Variants in VAPB observed in about 807,000 individuals in gnomAD.
The protein encoded by VAPB is vesicle-associated membrane protein-associated protein B/C.
VAPB carries 7 observed loss-of-function variants against 25.6 expected under a neutral mutation model. The ratio of observed to expected loss-of-function variants is 0.27; its 90% CI spans 0.16 to 0.51. VAPB has a LOEUF of 0.51. Among genes scored for constraint, VAPB ranks in the 20% least tolerant of loss-of-function variants. The pLI, the probability that VAPB is intolerant of heterozygous loss-of-function variation, is 0.97. For synonymous variants in VAPB, 112 were observed against 109.2 expected, an observed-to-expected ratio of 1.03 and a Z score of -0.16; for missense variants, 266 against 301.3, an observed-to-expected ratio of 0.88 and a Z score of 0.87.
chr20:58,443,723 C>T (rs1041946673), intron 5 of VAPB, among the ~76,000 whole-genome samples: 37 of 152,124 alleles, frequency 2.4e-4, no homozygotes, highest in Non-Finnish European at 1.0e-4. Flanking sequence ...GAGAAGCATC[C>T]GGAAGACATG....
chr20:58,405,823 C>T (rs1478221527), intron 1 of VAPB, among the ~76,000 whole-genome samples: 2 of 137,156 alleles, frequency 1.5e-5, no homozygotes, highest in Admixed American at 7.9e-5. Flanking sequence ...CGATCTCACT[C>T]GGCTCACTGT....
At chr20:58,390,652 G>A (rs6026232) in intron 1 of VAPB, among the ~76,000 whole-genome samples, 32,395 of 152,028 alleles carry the variant, frequency 0.21, 3,965 homozygotes, top group African/African-American at 0.32. Flanking sequence ...TTGGAAGGCC[G>A]GGTCTCCACT....
chr20:58,415,130 C>T (rs1988508640), intron 1 of VAPB, among the ~76,000 whole-genome samples: 1 of 152,264 alleles, frequency 6.6e-6, no homozygotes, highest in Non-Finnish European at 1.5e-5. Context: ...TAAAACAGAT[C>T]AATTCTAGCC....
chr20:58,448,778 C>T lies in VAPB; in HGVS notation c.*4543C>T, dbSNP rs1257944730. On this transcript the variant is annotated 3_prime_UTR_variant, in exon 6 of 6. Transcript: ENST00000475243. The stretch of plus-strand genomic sequence containing the variant: ...TGTTGGAAACTGAACACACTACAGA[C>T]AGTGAAAAAAGGTACATATTCCATT... 6.6e-6 allele frequency: 3 copies of T among 453,864 alleles called. No homozygotes were observed. The highest frequency in any genetic ancestry group is 1.3e-5 in the Non-Finnish European group (3 of 226,778). 28.1% of individuals were successfully genotyped at this position (453,864 alleles called of 1,614,324 possible).
intron 1 of VAPB, among the ~76,000 whole-genome samples, chr20:58,405,777 G>C (rs1290836964): frequency 8.7e-6 from 1 of 115,164 alleles, no homozygotes; most frequent in Non-Finnish European, 1.7e-5. Context: ...TTGAGACGGA[G>C]ACTGGCTCTG....
chr20:58,434,748 TAAA>T (rs1460506258), intron 3 of VAPB, 43 bp downstream of exon 3: 3 of 965,716 alleles, frequency 3.1e-6, no homozygotes, highest in Non-Finnish European at 5.0e-6. Context: ...AACAATAATT[TAAA>T]AAACCAATTA....
intron 5 of VAPB, among the ~76,000 whole-genome samples, chr20:58,441,556 C>T (rs373779932): frequency 1.3e-5 from 2 of 152,094 alleles, no homozygotes; most frequent in African/African-American, 4.8e-5. Context: ...GCAGGAGAAT[C>T]GCTTGAACCC....
In VAPB at chr20:58,447,876, T is replaced by G. The variant is rs1989334130; in HGVS notation, c.*3641T>G. ...TTTGAGAAATACATGTATGAAGAGA[T>G]AGGGGTCTTGGGCTTCCCAGTGTCA... On this transcript the variant is annotated 3_prime_UTR_variant, in exon 6 of 6. Coordinates refer to ENST00000475243, the MANE Select transcript of VAPB (RefSeq NM_004738.5). The G allele has an allele frequency of 2.2e-6, 1 of 453,988 alleles. No homozygotes were observed. Among genetic ancestry groups the G allele is most frequent in the Non-Finnish European group, 4.4e-6 (1 of 226,780 alleles). 28.1% of individuals were successfully genotyped at this position (453,988 alleles called of 1,614,324 possible). A position where few individuals can be genotyped will look rare whatever the true frequency, so the allele number is the denominator to read the frequency against.
chr20:58,405,618 T>G (rs1317892143), intron 1 of VAPB, among the ~76,000 whole-genome samples: 7 of 151,506 alleles, frequency 4.6e-5, no homozygotes, highest in Non-Finnish European at 2.9e-5. Flanking sequence ...AGCTAATTTT[T>G]TTATTTTTAG....
intron 1 of VAPB, among the ~76,000 whole-genome samples, chr20:58,414,179 ACCCCCCACCTCCCTCCCTGACGGGGCG>A: frequency 1.3e-5 from 1 of 78,210 alleles, no homozygotes; most frequent in African/African-American, 5.2e-5. Context: ...CGGGGGGCTG[ACCCCCCACCTCCCTCCCTGACGGGGCG>A]GCTGGCCGGG....
At chr20:58,399,857 T>C (rs1285578558) in intron 1 of VAPB, among the ~76,000 whole-genome samples, 5 of 152,186 alleles carry the variant, frequency 3.3e-5, no homozygotes, top group Non-Finnish European at 5.9e-5. Flanking sequence ...TACCTTCCCT[T>C]CCACCACCCC....
At position 58,449,158 on chromosome 20, in the gene VAPB, A is replaced by G. The variant is rs776329339; in HGVS notation, c.*4923A>G. 2.4e-4 allele frequency: 108 copies of G among 454,012 alleles called. No homozygotes were observed. The highest frequency in any genetic ancestry group is 7.1e-5 in the Non-Finnish European group (16 of 226,804). 28.1% of individuals were successfully genotyped at this position (454,012 alleles called of 1,614,324 possible). A position where few individuals can be genotyped will look rare whatever the true frequency, so the allele number is the denominator to read the frequency against. On this transcript the variant is annotated 3_prime_UTR_variant, in exon 6 of 6. Transcript: ENST00000475243. ...TGGGAATGGGTCTGCCCCCAGCTTC[A>G]CAGACCTCTTCCTCCAGCCTCTGAA... is the stretch of plus-strand genomic sequence containing the variant.
chr20:58,407,237 G>A (rs1988252968), intron 1 of VAPB, among the ~76,000 whole-genome samples: 5 of 152,196 alleles, frequency 3.3e-5, no homozygotes, highest in African/African-American at 9.6e-5. Context: ...AGTATTTGAA[G>A]TTCATACAGA....
chr20:58,418,905 A>G (rs1600797373), intron 2 of VAPB, among the ~76,000 whole-genome samples: 1 of 152,208 alleles, frequency 6.6e-6, no homozygotes, highest in East Asian at 1.9e-4. Context: ...AGTTTGGTGC[A>G]TGTCTGATGG....
In VAPB at chr20:58,441,003, G is replaced by A. The variant is rs772254840; in HGVS notation, c.493G>A (p.Glu165Lys). The A allele has an allele frequency of 1.7e-5, 27 of 1,613,968 alleles. No homozygotes were observed. The highest frequency in any genetic ancestry group is 1.6e-4 in the Middle Eastern group (1 of 6,084). The change falls in exon 5 of 6, where the codon GAA becomes AAA. Residue 165 changes from glutamate (E) to lysine (K), a missense_variant. Physicochemically the swap from Glu to Lys is moderately conservative, Grantham distance 56 (BLOSUM62 1). Around this residue, in one of 3 missense-constraint regions of VAPB, gnomAD observed 136 missense variants for 130.7 expected, o/e 1.04. Transcript: ENST00000475243. ...KSLSSSLDDT[E>K]VKKVMEECKR... ...TCTGAGTTCTTCTTTGGATGACACC[G>A]AAGTTAAGAAGGTTATGGAAGAATG...
At chr20:58,422,845 G>A (rs1342979620) in intron 2 of VAPB, among the ~76,000 whole-genome samples, 1 of 152,170 alleles carries the variant, frequency 6.6e-6, no homozygotes, top group Non-Finnish European at 1.5e-5. Flanking sequence ...TTGGTTGCCT[G>A]TGTCCCAAGC....
At chr20:58,407,652 C>CT (rs143424822) in intron 1 of VAPB, among the ~76,000 whole-genome samples, 60 of 145,732 alleles carry the variant, frequency 4.1e-4, no homozygotes, top group East Asian at 1.4e-3. Flanking sequence ...ATACGCCCTC[C>CT]TTTTTTTTTT....
At chr20:58,414,130 A>G (rs1600790794) in intron 1 of VAPB, among the ~76,000 whole-genome samples, 1 of 101,764 alleles carries the variant, frequency 9.8e-6, no homozygotes, top group Non-Finnish European at 2.1e-5. Flanking sequence ...CGGGAGGCTG[A>G]CGCCCCGACC....
At chr20:58,430,246 T>G (rs1253631099) in intron 2 of VAPB, among the ~76,000 whole-genome samples, 4 of 122,928 alleles carry the variant, frequency 3.3e-5, no homozygotes, top group African/African-American at 6.6e-5. Flanking sequence ...TTTTGCCAAT[T>G]TTTCTTTTTT....
Sources: gnomAD v4.1 joint callset for allele counts (sites outside exome capture counted in the v4.1 genomes callset) on GRCh38, gnomAD v4.1.1 for gene constraint, gnomAD v4.1.1 regional missense constraint, MANE v1.5 for transcripts, NCBI Gene and HGNC (gene_info 2026-07-23, HGNC 2026-07-21) for gene names.